GIGYF2: variants seen among roughly 807,000 people sequenced by gnomAD.
The protein encoded by GIGYF2 is GRB10 interacting GYF protein 2, also known as GRB10-interacting GYF protein 2.
A neutral mutation model predicts 208.1 loss-of-function variants in GIGYF2; 25 were observed. That is an observed-to-expected ratio of 0.12 (90% confidence interval 0.09 to 0.17). GIGYF2 has a LOEUF of 0.17. GIGYF2 is among the 10% of genes least tolerant of loss of function. The pLI, the probability that GIGYF2 is intolerant of heterozygous loss-of-function variation, is 1.00. For missense variants in GIGYF2, 1,302 were observed against 1,579.4 expected (o/e 0.82, Z 2.98); for synonymous variants, 534 against 543.8 (o/e 0.98, Z 0.25).
At chr2:232,784,853 G>A (rs139334913) in intron 8 of GIGYF2, among the ~76,000 whole-genome samples, 2,750 of 152,122 alleles carry the variant, frequency 0.018, 96 homozygotes, top group African/African-American at 0.062. Context: ...GGGCCTGGTG[G>A]GAGGTGTTTG....
At chr2:232,730,953 A>T (rs1407517252) in intron 2 of GIGYF2, among the ~76,000 whole-genome samples, 2 of 151,460 alleles carry the variant, frequency 1.3e-5, no homozygotes, top group African/African-American at 4.8e-5. Context: ...TAATTTTCTT[A>T]CAGAAACCAT....
chr2:232,812,361 A>G, intron 17 of GIGYF2, 30 bp from the exon 18 acceptor site: 1 of 900,130 alleles, frequency 1.1e-6, no homozygotes, highest in Non-Finnish European at 1.9e-6. Context: ...AATGACAAGA[A>G]CAAGTTAATT....
chr2:232,720,173 C>T lies in GIGYF2; in HGVS notation c.-43-14982C>T, dbSNP rs184039163. 5.1e-3 allele frequency among the ~76,000 whole-genome samples: 782 copies of T among 152,230 alleles called. 4 individuals carry two copies. Among genetic ancestry groups the T allele is most frequent in the African/African-American group, 0.018 (754 of 41,524 alleles). ...AGTGTTCTCATTGTTCAATTCCCAC[C>T]TGTAAGTGAGAATGTGTGGTGTTTG... On this transcript the variant is annotated intron_variant, in intron 2 of 28. Coordinates refer to ENST00000373563, the MANE Select transcript of GIGYF2 (RefSeq NM_001103146.3).
At chr2:232,821,992 G>A (rs76963401) in intron 21 of GIGYF2, among the ~76,000 whole-genome samples, 1,844 of 140,862 alleles carry the variant, frequency 0.013, 43 homozygotes, top group African/African-American at 0.046. Flanking sequence ...TGATAAGTTT[G>A]CCTGTCCTTA....
chr2:232,828,291 A>G (rs1052752514), intron 21 of GIGYF2, among the ~76,000 whole-genome samples: 4 of 152,050 alleles, frequency 2.6e-5, no homozygotes, highest in South Asian at 2.1e-4. Flanking sequence ...CTAGCCCCTT[A>G]CTTATATTTA....
At chr2:232,797,950 T>C (rs1342435637) in intron 14 of GIGYF2, among the ~76,000 whole-genome samples, 1 of 140,016 alleles carries the variant, frequency 7.1e-6, no homozygotes, top group Non-Finnish European at 1.5e-5. Context: ...CACTGTACTT[T>C]AATCTGTGTG....
At chr2:232,782,255 G>T (rs1423731913) in intron 8 of GIGYF2, among the ~76,000 whole-genome samples, 1 of 152,014 alleles carries the variant, frequency 6.6e-6, no homozygotes, top group African/African-American at 2.4e-5. Context: ...CAGAGATGAG[G>T]TCTCACCATG....
intron 28 of GIGYF2, among the ~76,000 whole-genome samples, chr2:232,855,591 A>G (rs1215090178): frequency 6.6e-6 from 1 of 152,152 alleles, no homozygotes; most frequent in Non-Finnish European, 1.5e-5. Context: ...GGATCTTAAT[A>G]GTGTGTCTTC....
chr2:232,806,666 CT>C lies in GIGYF2; in HGVS notation c.1806+12del. ...CTCCCCCTCCTCATATGGTAAGTAC[CT>C]TTCACCTCACCTGGAATACATATTA... On this transcript the variant is annotated intron_variant, in intron 15 of 28. Coordinates refer to ENST00000373563, the MANE Select transcript of GIGYF2 (RefSeq NM_001103146.3). This position sits in a 1 kb window ranked among gnomAD's most constrained non-coding sequence, Gnocchi z 4.0. 1 of 1,591,440 alleles carries C rather than the reference CT, an allele frequency of 6.3e-7. No individual in the cohort carries two copies. The highest frequency in any genetic ancestry group is 8.6e-7 in the Non-Finnish European group (1 of 1,159,486).
Position 232,851,489 on chromosome 2 carries a change from A to G in GIGYF2, c.3832+1080A>G, listed in dbSNP as rs543336424. On this transcript the variant is annotated intron_variant, in intron 28 of 28. Transcript: ENST00000373563. ...GGCTGGAGTGCAGTGGCGTGATCTC[A>G]GCTCACTGCAACCTCTGCCTCCCGG... is the stretch of plus-strand genomic sequence containing the variant. Among the ~76,000 whole-genome samples, 42 of 151,448 alleles carry G rather than the reference A, an allele frequency of 2.8e-4. No individual in the cohort carries two copies. The South Asian group carries it at 8.4e-3, about 30-fold the overall frequency.
At chr2:232,815,504 T>C in intron 18 of GIGYF2, 133 bp from the exon 19 acceptor site, 1 of 705,516 alleles carries the variant, frequency 1.4e-6, no homozygotes, top group Admixed American at 2.0e-5. Flanking sequence ...TTCAGTCTTC[T>C]CAGAGGCAAA....
chr2:232,794,976 C>G (rs1394880345), intron 13 of GIGYF2, 32 bp downstream of exon 13: 1 of 1,477,296 alleles, frequency 6.8e-7, no homozygotes, highest in Non-Finnish European at 9.5e-7. Context: ...TTTGTCTCCT[C>G]TTAAACTGCC....
intron 17 of GIGYF2, 144 bp downstream of exon 17, chr2:232,811,495 A>G: frequency 1.5e-6 from 1 of 658,624 alleles, no homozygotes; most frequent in Non-Finnish European, 2.8e-6. Context: ...AAAAAAGTAT[A>G]TTTTAAAAAA....
At chr2:232,732,858 G>A (rs1177310395) in intron 2 of GIGYF2, among the ~76,000 whole-genome samples, 2 of 151,972 alleles carry the variant, frequency 1.3e-5, no homozygotes, top group Admixed American at 6.6e-5. Context: ...TTGAACTTCC[G>A]GGCTCAAGCG....
At chr2:232,726,587 T>TA (rs1697213484) in intron 2 of GIGYF2, among the ~76,000 whole-genome samples, 1 of 152,070 alleles carries the variant, frequency 6.6e-6, no homozygotes. Context: ...ATATAAAAGT[T>TA]AAAAAATAAA....
chr2:232,792,366 A>G (rs1466171934), intron 12 of GIGYF2, among the ~76,000 whole-genome samples: 2 of 152,146 alleles, frequency 1.3e-5, no homozygotes, highest in Non-Finnish European at 2.9e-5. Flanking sequence ...TTCCCAGTAG[A>G]CTAATATTTT....
rs1559168227 is a variant in GIGYF2 at position 232,847,531 on chromosome 2, AGC to A, written c.3645_3646del (p.Gln1216AlafsTer40). On this transcript the variant is annotated frameshift_variant, in exon 27 of 29. Transcript: ENST00000373563. LOFTEE classifies it high-confidence loss of function. ...CAGCAGCTGCCACAGCAGCAGCAGC[AGC>A]AGCCGCCACAGCAGCCGCCACAGCA... The A allele has an allele frequency of 1.2e-6, 2 of 1,600,338 alleles. No homozygotes were observed. Among genetic ancestry groups the A allele is most frequent in the South Asian group, 2.2e-5 (2 of 90,448 alleles).
chr2:232,819,817 T>C lies in GIGYF2; in HGVS notation c.2371-10T>C. ...TCCCCCACCCCCCACCCTCCATCTT[T>C]TTTCCTTAGGAAGAGGCTCTGCGTC... On this transcript the variant is annotated splice_polypyrimidine_tract_variant and intron_variant, in intron 20 of 28. Coordinates refer to ENST00000373563, the MANE Select transcript of GIGYF2 (RefSeq NM_001103146.3). 1.5e-6 allele frequency: 1 copy of C among 670,948 alleles called. No homozygotes were observed. Among genetic ancestry groups the C allele is most frequent in the Non-Finnish European group, 2.3e-6 (1 of 442,536 alleles). 41.6% of individuals were successfully genotyped at this position (670,948 alleles called of 1,614,324 possible). A position where few individuals can be genotyped will look rare whatever the true frequency, so the allele number is the denominator to read the frequency against.
intron 2 of GIGYF2, chr2:232,729,895 C>G (rs548692366): frequency 2.3e-4 from 168 of 739,408 alleles, no homozygotes; most frequent in Non-Finnish European, 8.1e-5. Flanking sequence ...CCAAAGAGAT[C>G]AATGTCATCA....
Sources: gnomAD v4.1 joint callset for allele counts (sites outside exome capture counted in the v4.1 genomes callset) on GRCh38, gnomAD v4.1.1 for gene constraint, Gnocchi (gnomAD v3.1) non-coding constraint, MANE v1.5 for transcripts, NCBI Gene and HGNC (gene_info 2026-07-23, HGNC 2026-07-21) for gene names.